The following PDE3A variants were observed in gnomAD, a reference collection of about 807,000 sequenced individuals.
PDE3A encodes the protein cGMP-inhibited 3',5'-cyclic phosphodiesterase 3A.
In PDE3A, 43 loss-of-function variants were observed where a neutral mutation model predicts 98.3. The observed-to-expected ratio is 0.44, with a 90% CI of 0.34 to 0.56. PDE3A has a LOEUF of 0.56. PDE3A is among the 20% of genes least tolerant of loss of function. The pLI, the probability that PDE3A is intolerant of heterozygous loss-of-function variation, is 0.01. For synonymous variants in PDE3A, 663 were observed against 567.9 expected (o/e 1.17, Z -2.38); for missense variants, 1,427 against 1,440.7 (o/e 0.99, Z 0.15).
intron 1 of PDE3A, among the ~76,000 whole-genome samples, chr12:20,436,848 C>G (rs929714176): frequency 6.6e-6 from 1 of 152,114 alleles, no homozygotes; most frequent in African/African-American, 2.4e-5. Context: ...CATGTAATTG[C>G]GAATTAGCCC....
intron 1 of PDE3A, among the ~76,000 whole-genome samples, chr12:20,478,687 TA>T (rs1286408736): frequency 6.6e-6 from 1 of 152,202 alleles, no homozygotes; most frequent in African/African-American, 2.4e-5. Context: ...TTTTGAAATA[TA>T]ATTAAAATGA....
intron 1 of PDE3A, among the ~76,000 whole-genome samples, chr12:20,478,485 C>A (rs562631603): frequency 1.1e-4 from 17 of 152,110 alleles, no homozygotes; most frequent in Admixed American, 3.3e-4. Flanking sequence ...TTCAGTGAGC[C>A]CCTGATGACA....
chr12:20,419,425 T>C (rs1224137792), intron 1 of PDE3A, among the ~76,000 whole-genome samples: 1 of 152,138 alleles, frequency 6.6e-6, no homozygotes, highest in South Asian at 2.1e-4. Context: ...CCCTAGTAGC[T>C]GGGACTACAG....
intron 1 of PDE3A, among the ~76,000 whole-genome samples, chr12:20,437,249 G>A (rs1354786739): frequency 1.3e-5 from 2 of 152,208 alleles, no homozygotes; most frequent in South Asian, 2.1e-4. Context: ...CTATAAATTA[G>A]TTAAAAGTTT....
At chr12:20,587,135 C>T (rs1440156074) in intron 2 of PDE3A, among the ~76,000 whole-genome samples, 1 of 152,030 alleles carries the variant, frequency 6.6e-6, no homozygotes, top group Admixed American at 6.6e-5. Flanking sequence ...TTTAGGAGGT[C>T]GAGGTGGGTG....
intron 1 of PDE3A, among the ~76,000 whole-genome samples, chr12:20,389,735 A>G (rs1348963987): frequency 3.3e-5 from 5 of 151,984 alleles, no homozygotes; most frequent in African/African-American, 7.2e-5. Flanking sequence ...ACAGAAAGTC[A>G]TGAGAACTTT....
rs114899665 is a variant in PDE3A, at chr12:20,413,876, G to A, written c.960+43632G>A. 1.7e-3 allele frequency among the ~76,000 whole-genome samples: 262 copies of A among 152,248 alleles called. 4 individuals are homozygous for A. Among genetic ancestry groups the A allele is most frequent in the African/African-American group, 6.3e-3 (260 of 41,544 alleles). Reference sequence around the variant, plus strand: ...GCATCTTTGACCAGTGTGATGGTACGGGAGAGTGAAAATAGATGGACTTTA... The same window carrying A: ...GCATCTTTGACCAGTGTGATGGTACAGGAGAGTGAAAATAGATGGACTTTA... On this transcript the variant is annotated intron_variant, in intron 1 of 15. Coordinates refer to ENST00000359062, the MANE Select transcript of PDE3A (RefSeq NM_000921.5).
intron 1 of PDE3A, among the ~76,000 whole-genome samples, chr12:20,490,148 TGA>T (rs1232225672): frequency 6.6e-5 from 10 of 152,164 alleles, no homozygotes; most frequent in Admixed American, 1.3e-4. Flanking sequence ...GAAGAAAGAT[TGA>T]GTTTGTATGA....
chr12:20,558,292 CAT>C (rs1798642700), intron 2 of PDE3A, among the ~76,000 whole-genome samples: 1 of 151,300 alleles, frequency 6.6e-6, no homozygotes, highest in South Asian at 2.1e-4. Flanking sequence ...CCAAATATTG[CAT>C]ATAGCTAGAA....
At chr12:20,600,118 G>C (rs1565444334) in intron 2 of PDE3A, among the ~76,000 whole-genome samples, 1 of 152,060 alleles carries the variant, frequency 6.6e-6, no homozygotes, top group African/African-American at 2.4e-5. Flanking sequence ...TATGGCTCTA[G>C]CCTCAGTATA....
At chr12:20,476,821 A>G (rs535803890) in intron 1 of PDE3A, among the ~76,000 whole-genome samples, 5 of 152,312 alleles carry the variant, frequency 3.3e-5, no homozygotes, top group Admixed American at 3.3e-4. Context: ...CATCAAATTG[A>G]TTTGAATCCG....
intron 1 of PDE3A, among the ~76,000 whole-genome samples, chr12:20,448,767 T>TTTTTTTTTA (rs1945007243): frequency 6.0e-5 from 9 of 150,542 alleles, no homozygotes; most frequent in Non-Finnish European, 1.2e-4. Context: ...TTTTTTTTTT[T>TTTTTTTTTA]GAGATGGAGT....
chr12:20,586,610 T>C (rs1254436242), intron 2 of PDE3A, among the ~76,000 whole-genome samples: 1 of 152,230 alleles, frequency 6.6e-6, no homozygotes, highest in East Asian at 1.9e-4. Flanking sequence ...TTTGTTTAAC[T>C]TGAGGAACTC....
intron 1 of PDE3A, among the ~76,000 whole-genome samples, chr12:20,424,735 AC>A (rs1244076088): frequency 6.6e-6 from 1 of 152,196 alleles, no homozygotes; most frequent in Non-Finnish European, 1.5e-5. Context: ...TGTGGAGAAA[AC>A]CAGTCAGTAA....
At chr12:20,387,498 T>C (rs1943833443) in intron 1 of PDE3A, among the ~76,000 whole-genome samples, 1 of 152,130 alleles carries the variant, frequency 6.6e-6, no homozygotes, top group Non-Finnish European at 1.5e-5. Context: ...CATGAGACTT[T>C]CAAAGAAAAT....
intron 1 of PDE3A, chr12:20,449,899 G>A (rs1192949313): frequency 9.0e-6 from 7 of 776,480 alleles, no homozygotes; most frequent in Admixed American, 5.0e-5. Flanking sequence ...TGTGCTCTTC[G>A]GTGGTTTGAA....
At position 20,369,186 on chromosome 12, in the gene PDE3A, CGTGCGT is replaced by C. The variant is rs1565526304; in HGVS notation, c.-95_-90del. On this transcript the variant is annotated 5_prime_UTR_variant, in exon 1 of 16. Transcript: ENST00000359062. ...CGAGGGTGGAATTGGGAAGAGCGTG[CGTGCGT>C]GTGTGTGTGTGTGTGTGTGCGCGCG... 1.1e-5 allele frequency: 8 copies of C among 708,782 alleles called. No individual in the cohort carries two copies. The highest frequency in any genetic ancestry group is 2.5e-5 in the African/African-American group (1 of 40,610). 43.9% of individuals were successfully genotyped at this position (708,782 alleles called of 1,614,324 possible). A position where few individuals can be genotyped will look rare whatever the true frequency, so the allele number is the denominator to read the frequency against.
intron 1 of PDE3A, among the ~76,000 whole-genome samples, chr12:20,417,764 A>G (rs941380048): frequency 6.6e-5 from 10 of 152,220 alleles, no homozygotes; most frequent in Non-Finnish European, 1.5e-4. Flanking sequence ...GTAGGATAAT[A>G]AAAGCAGGTA....
At chr12:20,678,830 C>T (rs2120484870) in intron 15 of PDE3A, among the ~76,000 whole-genome samples, 1 of 152,280 alleles carries the variant, frequency 6.6e-6, no homozygotes, top group South Asian at 2.1e-4. Flanking sequence ...CACTGTGAAA[C>T]AATTTTGTAG....
Sources: gnomAD v4.1 joint callset for allele counts (sites outside exome capture counted in the v4.1 genomes callset) on GRCh38, gnomAD v4.1.1 for gene constraint, MANE v1.5 for transcripts, NCBI Gene and HGNC (gene_info 2026-07-23, HGNC 2026-07-21) for gene names.